Variants in RABGAP1L observed in about 807,000 individuals in gnomAD.
The protein encoded by RABGAP1L is rab GTPase-activating protein 1-like.
A neutral mutation model predicts 137.7 loss-of-function variants in RABGAP1L; 63 were observed. The ratio of observed to expected loss-of-function variants is 0.46; its 90% confidence interval spans 0.37 to 0.56. The LOEUF is 0.56. Among genes scored for constraint, RABGAP1L ranks in the 20% least tolerant of loss-of-function variants. RABGAP1L has a pLI of 0.00. For missense variants in RABGAP1L, 1,095 were observed against 1,244.0 expected (o/e 0.88, Z 1.80); for synonymous variants, 431 against 433.7 (o/e 0.99, Z 0.08).
Position 174,448,214 on chromosome 1 carries a change from A to G in RABGAP1L, c.1710+54069A>G, listed in dbSNP as rs772617157. 11 of 1,613,838 alleles carry G rather than the reference A, an allele frequency of 6.8e-6. No individual in the cohort carries two copies. Among genetic ancestry groups the G allele is most frequent in the South Asian group, 6.6e-5 (6 of 91,080 alleles). On this transcript the variant is annotated intron_variant, in intron 13 of 25. Transcript: ENST00000681986. This position sits in a 1 kb window ranked among gnomAD's most constrained non-coding sequence, Gnocchi z 4.2. ...CTGCCCACTTGGATTTGGCCACTAC[A>G]GTGTGGTGGATGTCTGCATCTTCGA... is the stretch of plus-strand genomic sequence containing the variant.
chr1:174,772,352 T>C (rs1686180917), intron 18 of RABGAP1L, among the ~76,000 whole-genome samples: 1 of 151,724 alleles, frequency 6.6e-6, no homozygotes, highest in African/African-American at 2.4e-5. Context: ...CCAAGGTGGG[T>C]GGATCACCTG....
chr1:174,575,179 C>G (rs1668284645), intron 13 of RABGAP1L, among the ~76,000 whole-genome samples: 1 of 152,312 alleles, frequency 6.6e-6, no homozygotes, highest in East Asian at 1.9e-4. Flanking sequence ...ATCCACCCAC[C>G]TCGGCCTCCC....
chr1:174,388,736 C>T (rs974727403), intron 12 of RABGAP1L, among the ~76,000 whole-genome samples: 1 of 152,012 alleles, frequency 6.6e-6, no homozygotes, highest in Non-Finnish European at 1.5e-5. Flanking sequence ...ACTGTGAATA[C>T]TTAGTAAGTC....
chr1:174,184,192 T>C (rs1409470823), intron 1 of RABGAP1L, among the ~76,000 whole-genome samples: 2 of 152,188 alleles, frequency 1.3e-5, no homozygotes, highest in Admixed American at 1.3e-4. Context: ...CCTAGTAAAA[T>C]GCATTTACTG....
At chr1:174,587,046 A>G (rs990388185) in intron 13 of RABGAP1L, among the ~76,000 whole-genome samples, 4 of 151,314 alleles carry the variant, frequency 2.6e-5, no homozygotes, top group South Asian at 4.2e-4. Flanking sequence ...ATGGTTTCCA[A>G]TTTCATCCAT....
At chr1:174,427,766 T>A (rs1213880847) in intron 13 of RABGAP1L, among the ~76,000 whole-genome samples, 1 of 152,202 alleles carries the variant, frequency 6.6e-6, no homozygotes, top group African/African-American at 2.4e-5. Context: ...ATATTTTATG[T>A]TGATGTTCAA....
chr1:174,855,961 A>G (rs1026100179), intron 19 of RABGAP1L, among the ~76,000 whole-genome samples: 1 of 152,206 alleles, frequency 6.6e-6, no homozygotes, highest in African/African-American at 2.4e-5. Context: ...CTGAAGTCCC[A>G]CTTGAAAAGG....
At chr1:174,757,869 C>T (rs899660841) in intron 18 of RABGAP1L, among the ~76,000 whole-genome samples, 1 of 151,732 alleles carries the variant, frequency 6.6e-6, no homozygotes, top group Non-Finnish European at 1.5e-5. Flanking sequence ...ACTAAAAATA[C>T]AAAAAACGCC....
rs568288788 is a variant in RABGAP1L at position 174,948,942 on chromosome 1, G to A, written c.2341-8515G>A. 22 of 152,206 alleles carry A rather than the reference G, an allele frequency of 1.4e-4. 2 individuals carry two copies. Among genetic ancestry groups the A allele is most frequent in the African/African-American group, 5.3e-4 (22 of 41,524 alleles). The allele number at this position is 152,206 out of a possible 1,614,324, so 9.4% of individuals were successfully genotyped here. ...TGTATATTCATTTTTAAATAAATTA[G>A]CCACCTGTACTACAATAAGCACAAA... is the stretch of plus-strand genomic sequence containing the variant. On this transcript the variant is annotated intron_variant, in intron 19 of 25. Coordinates refer to ENST00000681986, the MANE Select transcript of RABGAP1L (RefSeq NM_001366446.1).
chr1:174,202,095 G>A (rs1480146133), intron 1 of RABGAP1L, among the ~76,000 whole-genome samples: 2 of 151,726 alleles, frequency 1.3e-5, no homozygotes, highest in Non-Finnish European at 2.9e-5. Flanking sequence ...ATTGTGAATA[G>A]TGCCACAATA....
At chr1:174,228,450 T>C (rs903747775) in intron 3 of RABGAP1L, among the ~76,000 whole-genome samples, 1 of 152,174 alleles carries the variant, frequency 6.6e-6, no homozygotes, top group Non-Finnish European at 1.5e-5. Context: ...GTCTTATTGT[T>C]GCTGCATAAG....
intron 1 of RABGAP1L, among the ~76,000 whole-genome samples, chr1:174,214,985 A>T (rs904635306): frequency 6.6e-6 from 1 of 152,210 alleles, no homozygotes; most frequent in African/African-American, 2.4e-5. Context: ...AAATGGACAA[A>T]TGGTATCACA....
chr1:174,628,897 G>A (rs1002271956), intron 13 of RABGAP1L, among the ~76,000 whole-genome samples: 3 of 152,096 alleles, frequency 2.0e-5, no homozygotes, highest in African/African-American at 4.8e-5. Context: ...ATCAGTTTTG[G>A]TTGTGCTATA....
At chr1:174,871,049 T>TTTTAGTAATA (rs1486648735) in intron 19 of RABGAP1L, among the ~76,000 whole-genome samples, 1 of 151,808 alleles carries the variant, frequency 6.6e-6, no homozygotes, top group East Asian at 1.9e-4. Flanking sequence ...TATTATAACA[T>TTTTAGTAATA]TTTTAGTAAA....
chr1:174,650,408 G>A (rs1190421341), intron 14 of RABGAP1L, among the ~76,000 whole-genome samples: 3 of 152,112 alleles, frequency 2.0e-5, no homozygotes, highest in East Asian at 1.9e-4. Context: ...CAGAAGGAAC[G>A]GTACCAGTTC....
chr1:174,513,353 C>T (rs1662523322), intron 13 of RABGAP1L, among the ~76,000 whole-genome samples: 2 of 152,066 alleles, frequency 1.3e-5, no homozygotes, highest in African/African-American at 4.8e-5. Context: ...AATTTTAGCA[C>T]TTTGGGAGAA....
At chr1:174,401,899 T>C (rs1225436671) in intron 13 of RABGAP1L, among the ~76,000 whole-genome samples, 2 of 152,138 alleles carry the variant, frequency 1.3e-5, no homozygotes, top group African/African-American at 2.4e-5. Flanking sequence ...GCTGAGGCAA[T>C]GCCATACATA....
chr1:174,460,346 G>A (rs570070674), intron 13 of RABGAP1L, among the ~76,000 whole-genome samples: 8 of 152,014 alleles, frequency 5.3e-5, no homozygotes, highest in Non-Finnish European at 7.4e-5. Flanking sequence ...ACTAAATTAC[G>A]CATAGTTCTC....
At chr1:174,649,240 G>A (rs115687615) in intron 14 of RABGAP1L, among the ~76,000 whole-genome samples, 3,382 of 152,140 alleles carry the variant, frequency 0.022, 58 homozygotes, top group Middle Eastern at 0.085. Flanking sequence ...TGATCCTGTC[G>A]TTATGATGCT....
Sources: gnomAD v4.1 joint callset for allele counts (sites outside exome capture counted in the v4.1 genomes callset) on GRCh38, gnomAD v4.1.1 for gene constraint, Gnocchi (gnomAD v3.1) non-coding constraint, MANE v1.5 for transcripts, NCBI Gene and HGNC (gene_info 2026-07-23, HGNC 2026-07-21) for gene names.